Variants in ETV6 observed in about 807,000 individuals in gnomAD.
ETV6 encodes ETS variant transcription factor 6, also known as transcription factor ETV6.
ETV6 carries 16 observed loss-of-function variants against 51.1 expected under a neutral mutation model. That is an observed-to-expected ratio of 0.31 (90% confidence interval 0.21 to 0.48). The LOEUF (loss-of-function observed/expected upper bound fraction) is 0.48. Ranked by LOEUF, ETV6 falls within the 20% of genes least tolerant of loss-of-function variation. The pLI, the probability that ETV6 is intolerant of heterozygous loss-of-function variation, is 0.99. For missense variants in ETV6, 458 were observed against 594.8 expected, an observed-to-expected ratio of 0.77 and a Z score of 2.39; for synonymous variants, 240 against 224.1, an observed-to-expected ratio of 1.07 and a Z score of -0.64.
At chr12:11,872,643 G>A (rs188145782) in intron 5 of ETV6, among the ~76,000 whole-genome samples, 5 of 152,018 alleles carry the variant, frequency 3.3e-5, no homozygotes, top group Admixed American at 2.0e-4. Context: ...ACAGGCACAC[G>A]CCACCATGCC....
intron 2 of ETV6, 122 bp downstream of exon 2, chr12:11,752,701 T>C (rs1269272946): frequency 3.0e-6 from 4 of 1,311,632 alleles, no homozygotes; most frequent in Middle Eastern, 2.8e-4. Context: ...TTCGCCACGC[T>C]GCTTTGGAAT....
At chr12:11,839,669 C>G (rs1946363556) in intron 3 of ETV6, among the ~76,000 whole-genome samples, 1 of 152,146 alleles carries the variant, frequency 6.6e-6, no homozygotes, top group African/African-American at 2.4e-5. Flanking sequence ...TGCTTGAGCC[C>G]AGGAGTTTGA....
intron 2 of ETV6, among the ~76,000 whole-genome samples, chr12:11,829,391 C>T (rs558050802): frequency 2.8e-4 from 42 of 152,134 alleles, no homozygotes; most frequent in Non-Finnish European, 3.8e-4. Context: ...TCCATCTTAC[C>T]GCTGGAGAAA....
chr12:11,799,581 G>GA (rs1329937926), intron 2 of ETV6, among the ~76,000 whole-genome samples: 1 of 151,990 alleles, frequency 6.6e-6, no homozygotes, highest in African/African-American at 2.4e-5. Context: ...GAACTGTTAC[G>GA]AAAAAAGAGG....
intron 1 of ETV6, among the ~76,000 whole-genome samples, chr12:11,694,432 TAAGAC>T (rs1029655364): frequency 1.3e-5 from 2 of 152,198 alleles, no homozygotes; most frequent in African/African-American, 2.4e-5. Flanking sequence ...GTTCACCCCT[TAAGAC>T]AAGTCAGTCC....
chr12:11,796,017 G>C (rs1224962643), intron 2 of ETV6, among the ~76,000 whole-genome samples: 1 of 152,172 alleles, frequency 6.6e-6, no homozygotes, highest in Non-Finnish European at 1.5e-5. Context: ...AATTTGATCT[G>C]AGTGGTCACA....
chr12:11,711,040 T>G (rs1486600711), intron 1 of ETV6, among the ~76,000 whole-genome samples: 3 of 152,168 alleles, frequency 2.0e-5, no homozygotes, highest in Admixed American at 1.3e-4. Context: ...GCACTTCCTC[T>G]CCCTCACAGG....
chr12:11,892,295 G>A lies in ETV6; in HGVS notation c.*1249G>A, dbSNP rs1481272496. Reference sequence around the variant, plus strand: ...CTGGACACAGAGCTTTGGAGACGGAGGATCCCAGAGGGCAGTCTCAGTTGC... The same window carrying A: ...CTGGACACAGAGCTTTGGAGACGGAAGATCCCAGAGGGCAGTCTCAGTTGC... On this transcript the variant is annotated 3_prime_UTR_variant, in exon 8 of 8. Coordinates refer to ENST00000396373, the MANE Select transcript of ETV6 (RefSeq NM_001987.5). The A allele has an allele frequency of 2.2e-5, 5 of 230,042 alleles. No individual in the cohort carries two copies. The East Asian group carries it at 3.0e-4, about 14-fold the overall frequency. 14.3% of individuals were successfully genotyped at this position (230,042 alleles called of 1,614,324 possible). A position where few individuals can be genotyped will look rare whatever the true frequency, so the allele number is the denominator to read the frequency against.
At chr12:11,867,730 T>G (rs1006485553) in intron 4 of ETV6, among the ~76,000 whole-genome samples, 3 of 152,244 alleles carry the variant, frequency 2.0e-5, no homozygotes, top group African/African-American at 7.2e-5. Context: ...GGTGATATGT[T>G]TGACTTGCTT....
intron 2 of ETV6, among the ~76,000 whole-genome samples, chr12:11,758,683 TCC>T (rs1945040009): frequency 6.6e-6 from 1 of 152,166 alleles, no homozygotes; most frequent in African/African-American, 2.4e-5. Context: ...TATCAAGTCC[TCC>T]CCTGTCCTTT....
intron 2 of ETV6, among the ~76,000 whole-genome samples, chr12:11,770,673 C>T (rs1360060454): frequency 2.0e-5 from 3 of 152,154 alleles, no homozygotes; most frequent in Non-Finnish European, 4.4e-5. Context: ...TGTCAGGGAC[C>T]CATGCACAAA....
chr12:11,673,173 G>A (rs535528270), intron 1 of ETV6, among the ~76,000 whole-genome samples: 1 of 152,310 alleles, frequency 6.6e-6, no homozygotes, highest in East Asian at 1.9e-4. Flanking sequence ...AGTGTTCTGA[G>A]GGTGTGTGAA....
intron 2 of ETV6, among the ~76,000 whole-genome samples, chr12:11,772,876 G>A (rs1945263093): frequency 6.6e-6 from 1 of 152,050 alleles, no homozygotes; most frequent in South Asian, 2.1e-4. Context: ...TTGGTCTCGG[G>A]AAGGTCCAAG....
chr12:11,787,069 C>G (rs1356179762), intron 2 of ETV6, among the ~76,000 whole-genome samples: 2 of 152,128 alleles, frequency 1.3e-5, no homozygotes, highest in African/African-American at 4.8e-5. Context: ...GCCCATGAGC[C>G]AAGTTTAGTA....
At chr12:11,846,929 G>A (rs546457764) in intron 3 of ETV6, among the ~76,000 whole-genome samples, 22 of 152,272 alleles carry the variant, frequency 1.4e-4, no homozygotes, top group African/African-American at 4.8e-4. Context: ...CTGGAGTGCA[G>A]TGGCACGATC....
chr12:11,846,212 C>G (rs1946461179), intron 3 of ETV6, among the ~76,000 whole-genome samples: 1 of 140,756 alleles, frequency 7.1e-6, no homozygotes, highest in Non-Finnish European at 1.5e-5. Context: ...CTCTCCCACA[C>G]CAGGCATACT....
At chr12:11,871,765 T>G (rs1946884546) in intron 5 of ETV6, among the ~76,000 whole-genome samples, 1 of 152,208 alleles carries the variant, frequency 6.6e-6, no homozygotes. Context: ...CATCACCAGC[T>G]AGTGGCTATA....
In ETV6 at chr12:11,885,919, C is replaced by T. The variant is rs745510752; in HGVS notation, c.1153-7C>T. The stretch of plus-strand genomic sequence containing the variant: ...TTTTTTTCTCCCTTCCTCCTTTGAA[C>T]AAACAGAACAGAACAAACATGACCT... On this transcript the variant is annotated splice_polypyrimidine_tract_variant and splice_region_variant and intron_variant, in intron 6 of 7. Transcript: ENST00000396373. 1 of 1,605,034 alleles carries T rather than the reference C, an allele frequency of 6.2e-7. No individual in the cohort carries two copies. Among genetic ancestry groups the T allele is most frequent in the Admixed American group, 1.7e-5 (1 of 59,408 alleles).
rs745417305 is a variant in ETV6, at chr12:11,869,471, C to G, written c.511C>G (p.His171Asp). Residue 171 changes from histidine to aspartate, a missense_variant, in exon 5 of 8, where the codon CAT becomes GAT. His to Asp is a moderately conservative substitution (Grantham distance 81, BLOSUM62 -1). This residue lies in a region of ETV6 where 293 missense variants were observed against 315.7 expected (regional missense o/e 0.93). Transcript: ENST00000396373. The surrounding 1 kb of genome is among the most constrained non-coding windows in gnomAD (Gnocchi z 5.0). ...TPRPSVDNVH[H>D]NPPTIELLHR... is the part of the protein sequence containing the mutation. ...CAGGCCATCCGTGGATAATGTGCAC[C>G]ATAACCCTCCCACCATTGAACTGTT... 3 of 1,614,050 alleles carry G rather than the reference C, an allele frequency of 1.9e-6. No homozygotes were observed. Among genetic ancestry groups the G allele is most frequent in the South Asian group, 2.2e-5 (2 of 91,064 alleles).
Sources: allele counts gnomAD v4.1 joint callset (sites outside exome capture counted in the v4.1 genomes callset), GRCh38; gene constraint gnomAD v4.1.1; regional missense constraint gnomAD v4.1.1; non-coding constraint Gnocchi (gnomAD v3.1); transcripts MANE v1.5; gene names NCBI Gene and HGNC (gene_info 2026-07-23, HGNC 2026-07-21).